Variants in TSPAN18 observed in about 807,000 individuals in gnomAD.
The protein encoded by TSPAN18 is tetraspanin-18.
A neutral mutation model predicts 27.3 loss-of-function variants in TSPAN18; 14 were observed. That is an observed-to-expected ratio of 0.51 (90% CI 0.34 to 0.80). TSPAN18 has a LOEUF of 0.80. Ranked by LOEUF, TSPAN18 falls within the 30% of genes least tolerant of loss-of-function variation. The pLI, the probability that TSPAN18 is intolerant of heterozygous loss-of-function variation, is 0.01. For missense variants in TSPAN18, 268 were observed against 323.9 expected, an observed-to-expected ratio of 0.83 and a Z score of 1.32; for synonymous variants, 143 against 136.5, an observed-to-expected ratio of 1.05 and a Z score of -0.33.
At chr11:44,879,640 G>T (rs974640530) in intron 3 of TSPAN18, among the ~76,000 whole-genome samples, 22 of 152,278 alleles carry the variant, frequency 1.4e-4, no homozygotes, top group African/African-American at 2.7e-4. Flanking sequence ...GCTGGAGCTG[G>T]CTGGAACAGG....
At chr11:44,785,849 G>A (rs930047257) in intron 2 of TSPAN18, among the ~76,000 whole-genome samples, 1 of 152,198 alleles carries the variant, frequency 6.6e-6, no homozygotes, top group Admixed American at 6.5e-5. Context: ...GGTTCGAGGG[G>A]CAAGAGTGGG....
In TSPAN18 at chr11:44,908,831, A is replaced by AGAAAGAAAG. The variant is rs1590671451; in HGVS notation, c.64-874_64-873insGAAAGAAAG. Among the ~76,000 whole-genome samples the AGAAAGAAAG allele has an allele frequency of 2.7e-4, 26 of 96,152 alleles. 1 individual carries two copies. Among genetic ancestry groups the AGAAAGAAAG allele is most frequent in the Non-Finnish European group, 4.6e-4 (21 of 45,424 alleles). 63.1% of individuals were successfully genotyped at this position (96,152 alleles called of 152,430 possible). On this transcript the variant is annotated intron_variant, in intron 4 of 9. Transcript: ENST00000520358. ...AGAAAGAAAGAAAGAAAGAAAGAAA[A>AGAAAGAAAG]AGAAAAATGGAGCAGATATTTATTG...
intron 2 of TSPAN18, among the ~76,000 whole-genome samples, chr11:44,818,386 G>A (rs1856856299): frequency 6.6e-6 from 1 of 152,232 alleles, no homozygotes. Context: ...GAGAGCCTGG[G>A]GCCAGAGGGC....
intron 8 of TSPAN18, among the ~76,000 whole-genome samples, chr11:44,920,293 G>C (rs762954271): frequency 1.3e-5 from 2 of 152,130 alleles, no homozygotes; most frequent in African/African-American, 4.8e-5. Context: ...TGTTTCCTGA[G>C]TTTCTGATAA....
chr11:44,861,537 C>T (rs1363271157), intron 3 of TSPAN18, among the ~76,000 whole-genome samples: 1 of 119,058 alleles, frequency 8.4e-6, no homozygotes. Flanking sequence ...TTGGGGAAGT[C>T]AGCCTGAATG....
intron 3 of TSPAN18, among the ~76,000 whole-genome samples, chr11:44,872,596 T>C (rs1858224898): frequency 1.3e-5 from 2 of 152,230 alleles, no homozygotes; most frequent in Admixed American, 6.5e-5. Context: ...ACAGTTCACA[T>C]GTTATTTAAT....
At chr11:44,920,029 T>G in intron 8 of TSPAN18, 30 bp downstream of exon 8, 1 of 1,599,160 alleles carries the variant, frequency 6.3e-7, no homozygotes, top group Non-Finnish European at 8.5e-7. Flanking sequence ...GACAGGGGAG[T>G]GGGTCTATCG....
chr11:44,908,769 G>GAAAGGAAAGGAAAGAA (rs1554938043), intron 4 of TSPAN18, among the ~76,000 whole-genome samples: 7 of 71,700 alleles, frequency 9.8e-5, no homozygotes, highest in East Asian at 8.7e-4. Flanking sequence ...AGAGAGAAAG[G>GAAAGGAAAGGAAAGAA]AGAAAGAAAG....
chr11:44,901,324 A>G (rs779384389), intron 3 of TSPAN18: 8 of 152,236 alleles, frequency 5.3e-5, no homozygotes, highest in Non-Finnish European at 1.0e-4. Context: ...GTAATCTGCA[A>G]TGAATGTGGT....
rs572745540 is a variant in TSPAN18 at position 44,856,130 on chromosome 11, G to A, written c.-152-4198G>A. Among the ~76,000 whole-genome samples, 33 of 152,058 alleles carry A rather than the reference G, an allele frequency of 2.2e-4. No individual in the cohort carries two copies. The South Asian group carries it at 5.6e-3, about 26-fold the overall frequency. On this transcript the variant is annotated intron_variant, in intron 2 of 9. Transcript: ENST00000520358. ...GATCTCCTAACCTCATGATCTACCCGCCTCAGCCTCCTAAACTACTGGGAT... is the reference window on the plus strand; with the variant it reads ...GATCTCCTAACCTCATGATCTACCCACCTCAGCCTCCTAAACTACTGGGAT...
intron 2 of TSPAN18, among the ~76,000 whole-genome samples, chr11:44,832,633 G>C (rs930577245): frequency 6.6e-6 from 1 of 152,210 alleles, no homozygotes; most frequent in Non-Finnish European, 1.5e-5. Flanking sequence ...TTTCTCTGCG[G>C]CACCCTCATT....
chr11:44,811,909 C>A (rs1445613554), intron 2 of TSPAN18, among the ~76,000 whole-genome samples: 1 of 152,156 alleles, frequency 6.6e-6, no homozygotes, highest in African/African-American at 2.4e-5. Context: ...AATTAGGAAC[C>A]CCCAGGGGGA....
Position 44,906,413 on chromosome 11 carries a change from C to T in TSPAN18, c.-4C>T, listed in dbSNP as rs771664333. The T allele has an allele frequency of 1.2e-6, 2 of 1,614,158 alleles. No individual in the cohort carries two copies. Among genetic ancestry groups the T allele is most frequent in the South Asian group, 2.2e-5 (2 of 91,084 alleles). On this transcript the variant is annotated 5_prime_UTR_variant, in exon 4 of 10. Coordinates refer to ENST00000520358, the MANE Select transcript of TSPAN18 (RefSeq NM_130783.5). ...GGTGGCCTTGTATTTCTAGGTGGAG[C>T]ACCATGGAAGGCGACTGTCTGAGCT...
chr11:44,842,664 A>T (rs994000388), intron 2 of TSPAN18, among the ~76,000 whole-genome samples: 4 of 152,140 alleles, frequency 2.6e-5, no homozygotes, highest in Non-Finnish European at 4.4e-5. Flanking sequence ...AGAACCTGAG[A>T]GTCATTCTCC....
chr11:44,748,950 A>C (rs1276389199), intron 1 of TSPAN18, among the ~76,000 whole-genome samples: 1 of 152,204 alleles, frequency 6.6e-6, no homozygotes, highest in East Asian at 1.9e-4. Flanking sequence ...AATCCTTGCA[A>C]CAACCCTACA....
chr11:44,863,488 T>A (rs1362655908), intron 3 of TSPAN18, among the ~76,000 whole-genome samples: 1 of 152,232 alleles, frequency 6.6e-6, no homozygotes, highest in Non-Finnish European at 1.5e-5. Context: ...GAGGGCCCTT[T>A]CAAAGAGATG....
chr11:44,829,951 G>C (rs181400550), intron 2 of TSPAN18, among the ~76,000 whole-genome samples: 2 of 152,190 alleles, frequency 1.3e-5, no homozygotes, highest in South Asian at 2.1e-4. Context: ...TGAACCAACT[G>C]TGTCTCTCCC....
intron 2 of TSPAN18, among the ~76,000 whole-genome samples, chr11:44,844,525 A>T (rs1277337384): frequency 6.6e-6 from 1 of 152,184 alleles, no homozygotes; most frequent in African/African-American, 2.4e-5. Flanking sequence ...AGTTTTAGCT[A>T]ACTGGTGGGT....
intron 1 of TSPAN18, among the ~76,000 whole-genome samples, chr11:44,753,226 T>A (rs957690688): frequency 2.6e-5 from 4 of 152,088 alleles, no homozygotes; most frequent in African/African-American, 9.7e-5. Flanking sequence ...ACTCCCTGGT[T>A]CAAGCGATTC....
Sources: gnomAD v4.1 joint callset for allele counts (sites outside exome capture counted in the v4.1 genomes callset) on GRCh38, gnomAD v4.1.1 for gene constraint, MANE v1.5 for transcripts, NCBI Gene and HGNC (gene_info 2026-07-23, HGNC 2026-07-21) for gene names.